Variants in LVRN observed in about 807,000 individuals in gnomAD.
The protein encoded by LVRN is aminopeptidase Q.
A neutral mutation model predicts 111.4 loss-of-function variants in LVRN; 99 were observed. That is an observed-to-expected ratio of 0.89 (90% CI 0.76 to 1.05). LVRN has a LOEUF of 1.05. Among genes scored for constraint, LVRN ranks in the 50% least tolerant of loss-of-function variants. The pLI is 0.00. For missense variants in LVRN, 1,414 were observed against 1,206.8 expected (o/e 1.17, Z -2.54); for synonymous variants, 488 against 449.5 (o/e 1.09, Z -1.08).
At chr5:115,996,551 T>C (rs539209633) in intron 6 of LVRN, among the ~76,000 whole-genome samples, 17 of 152,334 alleles carry the variant, frequency 1.1e-4, no homozygotes, top group Admixed American at 9.1e-4. Flanking sequence ...TTTAATCTAG[T>C]AATGTGATTG....
intron 19 of LVRN, among the ~76,000 whole-genome samples, chr5:116,024,980 G>T (rs558254524): frequency 6.6e-6 from 1 of 152,054 alleles, no homozygotes; most frequent in Non-Finnish European, 1.5e-5. Flanking sequence ...TGCATCTCTG[G>T]CTCTGGTTTT....
At chr5:116,021,937 A>C (rs140194374) in intron 18 of LVRN, among the ~76,000 whole-genome samples, 4 of 152,350 alleles carry the variant, frequency 2.6e-5, no homozygotes, top group African/African-American at 9.6e-5. Context: ...ATCAGAAGAT[A>C]TTAATCTTCT....
In LVRN at chr5:115,983,364, C is replaced by T. The variant is rs1336951248; in HGVS notation, c.773C>T (p.Ala258Val). The T allele has an allele frequency of 6.2e-7, 1 of 1,611,784 alleles. No homozygotes were observed. The highest frequency in any genetic ancestry group is 1.7e-5 in the Admixed American group (1 of 59,448). Reference protein sequence around the residue: ...FPCFDEPALKATFNITMIHHP... With the variant: ...FPCFDEPALKVTFNITMIHHP... ...TGTTTTGATGAGCCAGCTCTGAAGG[C>T]AACTTTTAATATTACAATGATTCAT... Residue 258 changes from alanine to valine, a missense_variant, in exon 2 of 20, where the codon GCA becomes GTA. By Grantham distance (64) the Ala-to-Val change is moderately conservative (BLOSUM62 0). Coordinates refer to ENST00000357872, the MANE Select transcript of LVRN (RefSeq NM_173800.5).
intron 18 of LVRN, among the ~76,000 whole-genome samples, chr5:116,016,604 A>G (rs78266329): frequency 0.051 from 7,835 of 152,280 alleles, 423 homozygotes; most frequent in East Asian, 0.25. Flanking sequence ...TCAGTTCTGA[A>G]ATTGTTTTAA....
At chr5:116,020,307 A>C (rs558217686) in intron 18 of LVRN, among the ~76,000 whole-genome samples, 1 of 152,342 alleles carries the variant, frequency 6.6e-6, no homozygotes, top group East Asian at 1.9e-4. Flanking sequence ...GTCCTATGAA[A>C]GCATGTGAAT....
intron 19 of LVRN, 28 bp from the exon 20 acceptor site, chr5:116,025,950 C>G: frequency 6.2e-7 from 1 of 1,612,254 alleles, no homozygotes; most frequent in African/African-American, 1.3e-5. Flanking sequence ...TTGGATTGCA[C>G]TGATCATCTG....
At chr5:116,019,684 G>T (rs755453190) in intron 18 of LVRN, among the ~76,000 whole-genome samples, 9 of 152,188 alleles carry the variant, frequency 5.9e-5, no homozygotes. Context: ...GGCTGTGGGA[G>T]CCAGAATCAT....
rs73263151 is a variant in LVRN at position 116,002,445 on chromosome 5, T to C, written c.1821-390T>C. 7.6e-3 allele frequency among the ~76,000 whole-genome samples: 1,157 copies of C among 152,362 alleles called. 16 individuals carry two copies. Among genetic ancestry groups the C allele is most frequent in the African/African-American group, 0.025 (1,057 of 41,580 alleles). ...GTATTTTGAAGTGATTGTCAAGCTT[T>C]TCCTTCTAAACTACTTTTCACCTCT... On this transcript the variant is annotated intron_variant, in intron 10 of 19. Coordinates refer to ENST00000357872, the MANE Select transcript of LVRN (RefSeq NM_173800.5).
At chr5:116,010,428 A>T in intron 13 of LVRN, 1 of 409,270 alleles carries the variant, frequency 2.4e-6, no homozygotes. Flanking sequence ...TTGAATGCAA[A>T]TTATGCTGTC....
intron 13 of LVRN, 23 bp downstream of exon 13, chr5:116,005,990 T>A: frequency 6.4e-7 from 1 of 1,559,574 alleles, no homozygotes; most frequent in Non-Finnish European, 8.8e-7. Flanking sequence ...TCTTCTCTCA[T>A]GGTTTCAGAA....
rs781559310 is a variant in LVRN at position 116,015,456 on chromosome 5, T to C, written c.2618+37T>C. 33 of 1,502,872 alleles carry C rather than the reference T, an allele frequency of 2.2e-5. No individual in the cohort carries two copies. In the South Asian group the frequency reaches 3.9e-4, roughly 18 times the overall value. 93.1% of individuals were successfully genotyped at this position (1,502,872 alleles called of 1,614,324 possible). Reference sequence around the variant, plus strand: ...CAACTTACCTTGAAAGTTTCTGTTATAGGAATTAAATTAATAAAGGAAAAA... The same window carrying C: ...CAACTTACCTTGAAAGTTTCTGTTACAGGAATTAAATTAATAAAGGAAAAA... On this transcript the variant is annotated intron_variant, in intron 17 of 19. Transcript: ENST00000357872.
At chr5:116,013,497 G>C (rs1305860205) in intron 15 of LVRN, among the ~76,000 whole-genome samples, 2 of 152,160 alleles carry the variant, frequency 1.3e-5, no homozygotes, top group Non-Finnish European at 2.9e-5. Flanking sequence ...TAGGGAGTTA[G>C]ACTGCACTTC....
intron 6 of LVRN, among the ~76,000 whole-genome samples, chr5:115,999,067 G>C (rs566387039): frequency 6.6e-6 from 1 of 152,108 alleles, no homozygotes; most frequent in Admixed American, 6.5e-5. Flanking sequence ...GGCTGCGAAC[G>C]TGTGCCGGTA....
intron 10 of LVRN, among the ~76,000 whole-genome samples, chr5:116,001,978 T>C (rs1238217582): frequency 6.6e-6 from 1 of 152,240 alleles, no homozygotes; most frequent in Non-Finnish European, 1.5e-5. Flanking sequence ...CAACTGTTTT[T>C]GATAGTTTTA....
At chr5:115,988,650 G>A (rs1025942925) in intron 4 of LVRN, among the ~76,000 whole-genome samples, 10 of 152,160 alleles carry the variant, frequency 6.6e-5, no homozygotes, top group Non-Finnish European at 1.5e-5. Flanking sequence ...AGTGGAAGAA[G>A]GTAGGGAGTA....
chr5:115,967,386 A>G (rs1056451351), intron 1 of LVRN, among the ~76,000 whole-genome samples: 4 of 152,206 alleles, frequency 2.6e-5, no homozygotes, highest in African/African-American at 9.6e-5. Flanking sequence ...CATTTGTTGA[A>G]AAGAGTATCC....
At chr5:116,019,282 C>A (rs1820670) in intron 18 of LVRN, among the ~76,000 whole-genome samples, 43,021 of 151,908 alleles carry the variant, frequency 0.28, 6,457 homozygotes, top group African/African-American at 0.37. Context: ...TATGACATTG[C>A]TAGGGGATAG....
chr5:116,009,092 T>G (rs1268865406), intron 13 of LVRN, among the ~76,000 whole-genome samples: 1 of 152,206 alleles, frequency 6.6e-6, no homozygotes, highest in African/African-American at 2.4e-5. Flanking sequence ...AGCTTTAAGT[T>G]GAAGCCAATG....
At chr5:115,991,536 A>G (rs1377731671) in intron 4 of LVRN, among the ~76,000 whole-genome samples, 1 of 152,164 alleles carries the variant, frequency 6.6e-6, no homozygotes, top group Non-Finnish European at 1.5e-5. Context: ...TGGGCATAAG[A>G]TTTCTGGTCA....
Sources: allele counts gnomAD v4.1 joint callset (sites outside exome capture counted in the v4.1 genomes callset), GRCh38; gene constraint gnomAD v4.1.1; transcripts MANE v1.5; gene names NCBI Gene and HGNC (gene_info 2026-07-23, HGNC 2026-07-21).